The following C10orf67 variants were observed in gnomAD, a reference collection of about 807,000 sequenced individuals.
The protein encoded by C10orf67 is chromosome 10 open reading frame 67.
A neutral mutation model predicts 35.6 loss-of-function variants in C10orf67; 60 were observed. The observed-to-expected ratio is 1.68, with a 90% CI of 1.37 to 2.09. The LOEUF (loss-of-function observed/expected upper bound fraction) is 2.09, where lower values mean the gene tolerates loss of function less well. Ranked by LOEUF, C10orf67 falls within the 30% of genes most tolerant of loss-of-function variation. C10orf67 has a pLI of 0.00. For synonymous variants in C10orf67, 167 were observed against 115.8 expected, an observed-to-expected ratio of 1.44 and a Z score of -2.84; for missense variants, 474 against 330.2, an observed-to-expected ratio of 1.44 and a Z score of -3.38.
In C10orf67 at chr10:23,271,154, C is replaced by T. The variant is rs142537453; in HGVS notation, c.976-3900G>A. 5.5e-3 allele frequency among the ~76,000 whole-genome samples: 830 copies of T among 152,160 alleles called. 7 individuals are homozygous for T. Among genetic ancestry groups the T allele is most frequent in the African/African-American group, 0.018 (735 of 41,516 alleles). Reference sequence around the variant, plus strand: ...TCTGACTAAACAGACTTTAAACCAACGAAGATCAAAAAAGACAATGAAGGG... The same window carrying T: ...TCTGACTAAACAGACTTTAAACCAATGAAGATCAAAAAAGACAATGAAGGG... On this transcript the variant is annotated intron_variant, in intron 8 of 15. Coordinates refer to ENST00000636213, the MANE Select transcript of C10orf67 (RefSeq NM_001371909.1).
intron 15 of C10orf67, among the ~76,000 whole-genome samples, chr10:23,220,483 G>T (rs1399771059): frequency 1.3e-5 from 2 of 152,178 alleles, no homozygotes; most frequent in Non-Finnish European, 2.9e-5. Context: ...AGCCTCCAAA[G>T]CCCAGGTTAG....
intron 5 of C10orf67, among the ~76,000 whole-genome samples, chr10:23,297,016 T>C (rs893669735): frequency 6.6e-6 from 1 of 152,234 alleles, no homozygotes; most frequent in African/African-American, 2.4e-5. Context: ...CAGGCAAAAG[T>C]ATTTTTCCTT....
intron 15 of C10orf67, among the ~76,000 whole-genome samples, chr10:23,218,599 C>T (rs1332991338): frequency 6.6e-6 from 1 of 152,052 alleles, no homozygotes; most frequent in African/African-American, 2.4e-5. Context: ...ATGACATGTA[C>T]AACCTAGAAA....
intron 13 of C10orf67, among the ~76,000 whole-genome samples, chr10:23,236,302 G>A (rs1217873804): frequency 4.1e-5 from 6 of 147,674 alleles, no homozygotes; most frequent in African/African-American, 5.1e-5. Context: ...GTGTGGTGGC[G>A]GGTGCCTGTA....
intron 8 of C10orf67, among the ~76,000 whole-genome samples, chr10:23,275,724 C>G (rs1326771076): frequency 6.6e-6 from 1 of 152,040 alleles, no homozygotes; most frequent in African/African-American, 2.4e-5. Flanking sequence ...TCTGTGTTTC[C>G]CTTGATGTTT....
In C10orf67 at chr10:23,333,196, A is replaced by T; in HGVS notation, c.207-14T>A. On this transcript the variant is annotated splice_polypyrimidine_tract_variant and intron_variant, in intron 1 of 15. Transcript: ENST00000636213. ...GAAATGTTAAGTCTGAAAACAAAGGAAATGAAATGTGCTTTAAGTCATAGA... is the reference window on the plus strand; with the variant it reads ...GAAATGTTAAGTCTGAAAACAAAGGTAATGAAATGTGCTTTAAGTCATAGA... 6.3e-7 allele frequency: 1 copy of T among 1,590,118 alleles called. No homozygotes were observed.
chr10:23,323,894 AATATATATAT>A lies in C10orf67; in HGVS notation c.328-1367_328-1358del, dbSNP rs137983793. On this transcript the variant is annotated intron_variant, in intron 2 of 15. Coordinates refer to ENST00000636213, the MANE Select transcript of C10orf67 (RefSeq NM_001371909.1). ...GGGCAGCAGAGCAAGACTCCGTCTA[AATATATATAT>A]ATATATATATATATATATATATATA... is the stretch of plus-strand genomic sequence containing the variant. Among the ~76,000 whole-genome samples the A allele has an allele frequency of 8.4e-3, 358 of 42,774 alleles. 12 individuals are homozygous for A. The highest frequency in any genetic ancestry group is 0.014 in the Non-Finnish European group (236 of 16,918). The allele number at this position is 42,774 out of a possible 152,430, so 28.1% of individuals were successfully genotyped here.
chr10:23,249,343 T>G (rs1325029305), intron 12 of C10orf67, among the ~76,000 whole-genome samples: 2 of 152,108 alleles, frequency 1.3e-5, no homozygotes, highest in African/African-American at 4.8e-5. Context: ...AGTGTATATT[T>G]AAATTTTCTT....
chr10:23,269,069 A>C (rs914905399), intron 8 of C10orf67, among the ~76,000 whole-genome samples: 2 of 152,214 alleles, frequency 1.3e-5, no homozygotes, highest in Non-Finnish European at 2.9e-5. Flanking sequence ...CTACTATAAG[A>C]AATTTCTAGA....
At position 23,282,400 on chromosome 10, in the gene C10orf67, T is replaced by C. The variant is rs138676864; in HGVS notation, c.910-322A>G. Among the ~76,000 whole-genome samples, 367 of 152,358 alleles carry C rather than the reference T, an allele frequency of 2.4e-3. 2 individuals are homozygous for C. The highest frequency in any genetic ancestry group is 8.2e-3 in the African/African-American group (341 of 41,584). ...AAGGCTTTATGTGACCCATCTCTTA[T>C]TTTAGGGTTTTGCGCTATGTCTATG... is the stretch of plus-strand genomic sequence containing the variant. On this transcript the variant is annotated intron_variant, in intron 7 of 15. Transcript: ENST00000636213.
intron 15 of C10orf67, among the ~76,000 whole-genome samples, chr10:23,207,007 T>C (rs1372548918): frequency 1.3e-5 from 2 of 152,240 alleles, no homozygotes; most frequent in African/African-American, 4.8e-5. Context: ...AGCACTGTCA[T>C]CTGATGCCAC....
chr10:23,255,558 T>C (rs188913951), intron 10 of C10orf67, among the ~76,000 whole-genome samples: 209 of 152,334 alleles, frequency 1.4e-3, no homozygotes, highest in Non-Finnish European at 2.6e-3. Flanking sequence ...TGTGTTCATG[T>C]GTTCATGTGT....
intron 1 of C10orf67, among the ~76,000 whole-genome samples, 199 bp from the exon 2 acceptor site, chr10:23,333,381 C>T (rs1029363243): frequency 6.6e-6 from 1 of 152,154 alleles, no homozygotes; most frequent in Admixed American, 6.5e-5. Flanking sequence ...TGGACTGAGG[C>T]ATATTGCTCT....
chr10:23,201,941 C>T (rs1278470781), downstream of C10orf67: 2 of 152,222 alleles, frequency 1.3e-5, no homozygotes, highest in African/African-American at 4.8e-5. Context: ...ACAGTTTTCT[C>T]TATATCTGCG....
At chr10:23,216,640 C>A (rs1469123597) in intron 15 of C10orf67, among the ~76,000 whole-genome samples, 1 of 151,954 alleles carries the variant, frequency 6.6e-6, no homozygotes, top group African/African-American at 2.4e-5. Context: ...TACTATACAG[C>A]AGGTAAAATA....
At chr10:23,302,481 C>T (rs1470414760) in intron 5 of C10orf67, among the ~76,000 whole-genome samples, 2 of 152,150 alleles carry the variant, frequency 1.3e-5, no homozygotes, top group African/African-American at 4.8e-5. Context: ...GAGATGCCAT[C>T]GATGAAGTAT....
intron 10 of C10orf67, among the ~76,000 whole-genome samples, chr10:23,261,252 C>T (rs757352964): frequency 6.6e-5 from 10 of 152,166 alleles, no homozygotes; most frequent in Non-Finnish European, 1.2e-4. Context: ...CACACACACA[C>T]GCAACAAAGA....
At chr10:23,244,067 T>A (rs1588610526) in intron 12 of C10orf67, among the ~76,000 whole-genome samples, 1 of 152,098 alleles carries the variant, frequency 6.6e-6, no homozygotes, top group East Asian at 1.9e-4. Context: ...AATTTTTTTA[T>A]TTTTTGTATA....
At chr10:23,237,543 A>C (rs1488484884) in intron 13 of C10orf67, among the ~76,000 whole-genome samples, 1 of 152,204 alleles carries the variant, frequency 6.6e-6, no homozygotes, top group Non-Finnish European at 1.5e-5. Flanking sequence ...AGATGGATAA[A>C]CAAATTATGG....
Sources: gnomAD v4.1 joint callset for allele counts (sites outside exome capture counted in the v4.1 genomes callset) on GRCh38, gnomAD v4.1.1 for gene constraint, MANE v1.5 for transcripts, NCBI Gene and HGNC (gene_info 2026-07-23, HGNC 2026-07-21) for gene names.